MYO7B: variants seen among roughly 807,000 people sequenced by gnomAD.
MYO7B encodes unconventional myosin-VIIb.
A neutral mutation model predicts 259.7 loss-of-function variants in MYO7B; 212 were observed. The observed-to-expected ratio is 0.82, with a 90% CI of 0.73 to 0.91. The LOEUF (loss-of-function observed/expected upper bound fraction) is 0.91, where lower values mean the gene tolerates loss of function less well. MYO7B is among the 40% of genes least tolerant of loss of function. The probability of loss-of-function intolerance (pLI) is 0.00; values close to 1 mark genes in which losing one functional copy is unlikely to be tolerated. For missense variants in MYO7B, 2,732 were observed against 2,813.5 expected, an observed-to-expected ratio of 0.97 and a Z score of 0.66; for synonymous variants, 1,197 against 1,166.4, an observed-to-expected ratio of 1.03 and a Z score of -0.54.
chr2:127,576,659 A>G lies in MYO7B; in HGVS notation c.800A>G (p.Lys267Arg), dbSNP rs1678879375. ...CMLMGVSAEDKQLLSLGTPSE... is the reference protein window; with the variant it reads ...CMLMGVSAEDRQLLSLGTPSE... ...CTCATGGGGGTGAGTGCTGAGGACAAGCAGCTGCTGAGCCTGGGCACGCCC... is the reference window on the plus strand; with the variant it reads ...CTCATGGGGGTGAGTGCTGAGGACAGGCAGCTGCTGAGCCTGGGCACGCCC... The change falls in exon 8 of 48, where the codon AAG (lysine) becomes AGG (arginine). Residue 267 changes from lysine (K) to arginine (R), a missense_variant. Physicochemically the swap from Lys to Arg is conservative, Grantham distance 26. Coordinates refer to ENST00000409816, the MANE Select transcript of MYO7B (RefSeq NM_001393586.1). This position sits in a 1 kb window ranked among gnomAD's most constrained non-coding sequence, Gnocchi z 4.9. 3 of 1,612,526 alleles carry G rather than the reference A, an allele frequency of 1.9e-6. No individual in the cohort carries two copies. Among genetic ancestry groups the G allele is most frequent in the Non-Finnish European group, 2.5e-6 (3 of 1,179,018 alleles).
chr2:127,548,100 T>C lies in MYO7B; in HGVS notation c.-23-11600T>C, dbSNP rs574033478. The stretch of plus-strand genomic sequence containing the variant: ...ATTTCATCTAAGTTACCGAATGTGT[T>C]GTTCATAATATGTCTTTACTATCCT... On this transcript the variant is annotated intron_variant, in intron 1 of 47. Transcript: ENST00000409816. Among the ~76,000 whole-genome samples, 24 of 152,360 alleles carry C rather than the reference T, an allele frequency of 1.6e-4. No individual in the cohort carries two copies. In the East Asian group the frequency reaches 4.6e-3, roughly 29 times the overall value.
intron 19 of MYO7B, among the ~76,000 whole-genome samples, chr2:127,599,713 T>A (rs1679891126): frequency 1.3e-5 from 2 of 152,138 alleles, no homozygotes; most frequent in South Asian, 4.1e-4. Flanking sequence ...TTTCTGGGAG[T>A]TTTTATCATG....
chr2:127,620,275 G>C, intron 26 of MYO7B, 65 bp from the exon 27 acceptor site: 1 of 1,549,010 alleles, frequency 6.5e-7, no homozygotes, highest in Non-Finnish European at 8.8e-7. Flanking sequence ...TGTGTGCCCA[G>C]GTACCCCTGT....
chr2:127,564,143 T>G lies in MYO7B; in HGVS notation c.19-10T>G. 1 of 1,534,212 alleles carries G rather than the reference T, an allele frequency of 6.5e-7. No homozygotes were observed. The highest frequency in any genetic ancestry group is 8.8e-7 in the Non-Finnish European group (1 of 1,130,236). The stretch of plus-strand genomic sequence containing the variant: ...GGGGATCACACCACTGTCTTCTGTC[T>G]GCCCTCCAGGGTGACCACGTGTGGC... On this transcript the variant is annotated splice_polypyrimidine_tract_variant and intron_variant, in intron 2 of 47. Transcript: ENST00000409816.
rs1680511761 is a variant in MYO7B, at chr2:127,614,877, G to C, written c.3398+2274G>C. Among the ~76,000 whole-genome samples the C allele has an allele frequency of 6.6e-6, 1 of 152,200 alleles. No individual in the cohort carries two copies. On this transcript the variant is annotated intron_variant, in intron 26 of 47. Coordinates refer to ENST00000409816, the MANE Select transcript of MYO7B (RefSeq NM_001393586.1). This position sits in a 1 kb window ranked among gnomAD's most constrained non-coding sequence, Gnocchi z 4.6. ...CTACAAGAATGTGTCTCTTTAGAACGTCGGATATGAGCATCCATTTGTCCT... is the reference window on the plus strand; with the variant it reads ...CTACAAGAATGTGTCTCTTTAGAACCTCGGATATGAGCATCCATTTGTCCT...
Position 127,576,767 on chromosome 2 carries a change from G to T in MYO7B, c.849+59G>T. ...GTGGAAGGGAGGAAAAAGAGCTTGT[G>T]CCGCTCCACCCTCCGCGACAGCTGC... On this transcript the variant is annotated intron_variant, in intron 8 of 47. Transcript: ENST00000409816. The surrounding 1 kb of genome is among the most constrained non-coding windows in gnomAD (Gnocchi z 4.9). The T allele has an allele frequency of 1.6e-6, 2 of 1,268,298 alleles. No homozygotes were observed. Among genetic ancestry groups the T allele is most frequent in the Non-Finnish European group, 1.1e-6 (1 of 888,842 alleles). 78.6% of individuals were successfully genotyped at this position (1,268,298 alleles called of 1,614,324 possible).
rs2255177 is a variant in MYO7B, at chr2:127,635,714, T to C, written c.5821-8T>C. ...AGACCCAGCATGCCCAGTGTGTCCA[T>C]CACCCAGGAGCTGCCCAAGTACCTG... is the stretch of plus-strand genomic sequence containing the variant. On this transcript the variant is annotated splice_polypyrimidine_tract_variant and splice_region_variant and intron_variant, in intron 43 of 47. Coordinates refer to ENST00000409816, the MANE Select transcript of MYO7B (RefSeq NM_001393586.1). 0.32 allele frequency: 513,720 copies of C among 1,594,118 alleles called. 85,037 individuals are homozygous for C. Among genetic ancestry groups the C allele is most frequent in the South Asian group, 0.48 (42,377 of 87,932 alleles).
chr2:127,582,412 G>A lies in MYO7B; in HGVS notation c.1309G>A (p.Asp437Asn). ...TGTGCGGAGGGCCATCGGCCTCCTG[G>A]ACATATTTGGCTTTGAAAATTTCGA... ...KNVRRAIGLL[D>N]IFGFENFENN... Residue 437 changes from aspartate to asparagine, a missense_variant, in exon 12 of 48, where the codon GAC becomes AAC. Asp to Asn is a conservative substitution (Grantham distance 23, BLOSUM62 1). Around this residue, in one of 3 missense-constraint regions of MYO7B, gnomAD observed 1,906 missense variants for 2,026.4 expected, o/e 0.94. Transcript: ENST00000409816. 6.2e-7 allele frequency: 1 copy of A among 1,613,360 alleles called. No homozygotes were observed. Among genetic ancestry groups the A allele is most frequent in the Non-Finnish European group, 8.5e-7 (1 of 1,179,688 alleles).
rs370050348 is a variant in MYO7B, at chr2:127,631,206, G to A, written c.4938G>A (p.Arg1646=). 22 of 1,595,698 alleles carry A rather than the reference G, an allele frequency of 1.4e-5. No homozygotes were observed. The highest frequency in any genetic ancestry group is 4.5e-5 in the South Asian group (4 of 89,796). Residue 1646 remains arginine, a splice_region_variant and synonymous_variant, in exon 37 of 48, where the codon AGG becomes AGA. Coordinates refer to ENST00000409816, the MANE Select transcript of MYO7B (RefSeq NM_001393586.1). ...CTCACACCAGCCTCTAACCTCACAG[G>A]GCTCCAGAGAAGGACATGGTGAGCA... ...TLEEFSYEFF[R]APEKDMVSMA...
intron 19 of MYO7B, among the ~76,000 whole-genome samples, chr2:127,604,338 C>T (rs538466515): frequency 6.6e-6 from 1 of 152,354 alleles, no homozygotes; most frequent in East Asian, 1.9e-4. Flanking sequence ...TTCCTCACCT[C>T]TCTCAGCCTT....
chr2:127,634,731 G>A lies in MYO7B; in HGVS notation c.5713+48G>A, dbSNP rs201182404. Reference sequence around the variant, plus strand: ...GGGGGAGGGCGTGGCTGGGTGGGTCGAGGGGGCACTGGCGGCCTCTGTGCG... The same window carrying A: ...GGGGGAGGGCGTGGCTGGGTGGGTCAAGGGGGCACTGGCGGCCTCTGTGCG... On this transcript the variant is annotated intron_variant, in intron 42 of 47. Transcript: ENST00000409816. 1.4e-5 allele frequency: 21 copies of A among 1,509,250 alleles called. 1 individual carries two copies. In the East Asian group the frequency reaches 1.6e-4, roughly 12 times the overall value. 93.5% of individuals were successfully genotyped at this position (1,509,250 alleles called of 1,614,324 possible).
Position 127,577,765 on chromosome 2 carries a change from C to T in MYO7B, c.850-368C>T, listed in dbSNP as rs1678933313. On this transcript the variant is annotated intron_variant, in intron 8 of 47. Coordinates refer to ENST00000409816, the MANE Select transcript of MYO7B (RefSeq NM_001393586.1). This position sits in a 1 kb window ranked among gnomAD's most constrained non-coding sequence, Gnocchi z 5.2. ...CACGGTCACTGGCTCCCTGCCTGCCCCCCTGGATGCGCAGCACAGGGCCTG... is the reference window on the plus strand; with the variant it reads ...CACGGTCACTGGCTCCCTGCCTGCCTCCCTGGATGCGCAGCACAGGGCCTG... Among the ~76,000 whole-genome samples, 1 of 152,248 alleles carries T rather than the reference C, an allele frequency of 6.6e-6. No individual in the cohort carries two copies. Among genetic ancestry groups the T allele is most frequent in the Non-Finnish European group, 1.5e-5 (1 of 68,034 alleles).
Position 127,617,855 on chromosome 2 carries a change from G to GTTTTT in MYO7B, c.3399-2475_3399-2471dup, listed in dbSNP as rs34544960. Among the ~76,000 whole-genome samples the GTTTTT allele has an allele frequency of 1.0e-4, 14 of 139,930 alleles. 1 individual carries two copies. Among genetic ancestry groups the GTTTTT allele is most frequent in the Non-Finnish European group, 1.4e-4 (9 of 65,496 alleles). The allele number at this position is 139,930 out of a possible 152,430, so 91.8% of individuals were successfully genotyped here. A position where few individuals can be genotyped will look rare whatever the true frequency, so the allele number is the denominator to read the frequency against. ...TGGTTTTAGTTTTTTCTGGGCTTTA[G>GTTTTT]TTTTTTTTTTTTTTGCTCCAGCAGA... On this transcript the variant is annotated intron_variant, in intron 26 of 47. Transcript: ENST00000409816.
chr2:127,625,909 C>A (rs1311351353), intron 31 of MYO7B: 6 of 216,136 alleles, frequency 2.8e-5, no homozygotes, highest in Non-Finnish European at 5.5e-5. Flanking sequence ...GCCTCAGCAT[C>A]CCCTCGCTGG....
At chr2:127,573,425 G>C (rs1459444865) in intron 6 of MYO7B, among the ~76,000 whole-genome samples, 1 of 152,200 alleles carries the variant, frequency 6.6e-6, no homozygotes, top group African/African-American at 2.4e-5. Context: ...ACTTCCGTGT[G>C]CCCTGGCCTG....
At chr2:127,549,862 A>G (rs1178244594) in intron 1 of MYO7B, among the ~76,000 whole-genome samples, 2 of 152,212 alleles carry the variant, frequency 1.3e-5, no homozygotes, top group Non-Finnish European at 1.5e-5. Flanking sequence ...CTGGCAGATC[A>G]GTGGGAATTA....
At chr2:127,592,536 TC>T in intron 16 of MYO7B, among the ~76,000 whole-genome samples, 1 of 152,356 alleles carries the variant, frequency 6.6e-6, no homozygotes, top group African/African-American at 2.4e-5. Flanking sequence ...TGCCACAGTT[TC>T]CATGCTATCG....
chr2:127,619,571 C>G (rs1412717302), intron 26 of MYO7B, among the ~76,000 whole-genome samples: 1 of 152,100 alleles, frequency 6.6e-6, no homozygotes, highest in Non-Finnish European at 1.5e-5. Flanking sequence ...CTTCCCATCT[C>G]TGTTCGGTGA....
At chr2:127,543,545 C>T (rs1360200766) in intron 1 of MYO7B, among the ~76,000 whole-genome samples, 2 of 151,994 alleles carry the variant, frequency 1.3e-5, no homozygotes, top group African/African-American at 2.4e-5. Context: ...TTTCTTTTCC[C>T]CACAAAGGAA....
Sources: gnomAD v4.1 joint callset for allele counts (sites outside exome capture counted in the v4.1 genomes callset) on GRCh38, gnomAD v4.1.1 for gene constraint, gnomAD v4.1.1 regional missense constraint, Gnocchi (gnomAD v3.1) non-coding constraint, MANE v1.5 for transcripts, NCBI Gene and HGNC (gene_info 2026-07-23, HGNC 2026-07-21) for gene names.